The following PCDHA5 variants were observed in gnomAD, a reference collection of about 807,000 sequenced individuals.
The protein encoded by PCDHA5 is protocadherin alpha-5.
Under a neutral mutation model 61.6 loss-of-function variants are expected in PCDHA5, and 43 were observed. The ratio of observed to expected loss-of-function variants is 0.70; its 90% confidence interval spans 0.55 to 0.90. The LOEUF is 0.90. PCDHA5 is among the 40% of genes least tolerant of loss of function. PCDHA5 has a pLI of 0.00. For missense variants in PCDHA5, 1,298 were observed against 1,222.7 expected, an observed-to-expected ratio of 1.06 and a Z score of -0.92; for synonymous variants, 627 against 543.9, an observed-to-expected ratio of 1.15 and a Z score of -2.13.
intron 1 of PCDHA5, chr5:140,875,737 C>G: frequency 2.5e-6 from 4 of 1,614,224 alleles, no homozygotes; most frequent in Non-Finnish European, 3.4e-6. Flanking sequence ...TGTGAATTCT[C>G]GGATCGACCG....
chr5:140,996,130 G>A (rs1185857732), intron 3 of PCDHA5, among the ~76,000 whole-genome samples: 2 of 152,162 alleles, frequency 1.3e-5, no homozygotes, highest in African/African-American at 4.8e-5. Flanking sequence ...GGTGTAGAGG[G>A]TTCTCCCATT....
intron 1 of PCDHA5, among the ~76,000 whole-genome samples, chr5:140,896,499 A>G (rs1029698205): frequency 6.6e-6 from 1 of 150,502 alleles, no homozygotes; most frequent in African/African-American, 2.4e-5. Flanking sequence ...AGTAGCTGGG[A>G]CTGTGCAGGC....
intron 1 of PCDHA5, among the ~76,000 whole-genome samples, chr5:140,885,682 A>G (rs1367880744): frequency 6.6e-6 from 1 of 152,194 alleles, no homozygotes; most frequent in Non-Finnish European, 1.5e-5. Flanking sequence ...TTCTATCTCA[A>G]GAAGCAATAG....
At chr5:140,835,990 G>A in intron 1 of PCDHA5, 3 of 1,613,318 alleles carry the variant, frequency 1.9e-6, no homozygotes, top group Non-Finnish European at 2.5e-6. Context: ...TTCCAGGTGA[G>A]CGCGCGCGAT....
intron 1 of PCDHA5, chr5:140,870,599 G>A: frequency 6.2e-7 from 1 of 1,613,396 alleles, no homozygotes; most frequent in South Asian, 1.1e-5. Flanking sequence ...CGGCGGTTGG[G>A]CGACCGCGCG....
At chr5:140,831,422 C>A (rs1252502476) in intron 1 of PCDHA5, among the ~76,000 whole-genome samples, 1 of 151,184 alleles carries the variant, frequency 6.6e-6, no homozygotes, top group East Asian at 1.9e-4. Context: ...TACAGTGGTG[C>A]AATAATGGCT....
At chr5:140,841,207 T>A in intron 1 of PCDHA5, 1 of 1,357,192 alleles carries the variant, frequency 7.4e-7, no homozygotes, top group Non-Finnish European at 1.0e-6. Context: ...ACAGCATCTG[T>A]CTCTAAAGGC....
intron 1 of PCDHA5, among the ~76,000 whole-genome samples, chr5:140,936,053 C>T (rs576745037): frequency 1.2e-4 from 18 of 152,052 alleles, no homozygotes; most frequent in Middle Eastern, 3.4e-3. Flanking sequence ...CCACCACACC[C>T]GGCTAATTTT....
intron 1 of PCDHA5, chr5:140,829,805 G>A: frequency 6.2e-7 from 1 of 1,613,860 alleles, no homozygotes; most frequent in Non-Finnish European, 8.5e-7. Context: ...TCGGGTGGGT[G>A]GTACTGGTGG....
chr5:140,902,530 G>A (rs569387885), intron 1 of PCDHA5, among the ~76,000 whole-genome samples: 11 of 152,144 alleles, frequency 7.2e-5, no homozygotes, highest in African/African-American at 2.7e-4. Flanking sequence ...TTATTATGTT[G>A]AGGTATGTTC....
chr5:140,908,778 C>G (rs1452710808), intron 1 of PCDHA5, among the ~76,000 whole-genome samples: 1 of 152,184 alleles, frequency 6.6e-6, no homozygotes, highest in Non-Finnish European at 1.5e-5. Flanking sequence ...GTAGAGTCTT[C>G]TCCTGTTCTG....
chr5:140,982,779 G>A (rs1228586175), intron 3 of PCDHA5, among the ~76,000 whole-genome samples: 2 of 151,918 alleles, frequency 1.3e-5, no homozygotes, highest in African/African-American at 2.4e-5. Context: ...GAAAGTGTGT[G>A]TGCACGCATG....
intron 1 of PCDHA5, chr5:140,966,499 A>C (rs960365429): frequency 1.4e-5 from 6 of 431,834 alleles, no homozygotes; most frequent in Non-Finnish European, 2.4e-5. Context: ...CTGGAGCTGT[A>C]GCGGCAGCAG....
At chr5:140,966,528 G>C in intron 1 of PCDHA5, 1 of 446,634 alleles carries the variant, frequency 2.2e-6, no homozygotes, top group Non-Finnish European at 3.9e-6. Context: ...AGCCGAGCCG[G>C]GTTGAGCGAC....
chr5:140,882,127 C>A (rs2058964637), intron 1 of PCDHA5: 23 of 1,464,566 alleles, frequency 1.6e-5, no homozygotes, highest in Admixed American at 4.6e-5. Flanking sequence ...TTTCTTTCTT[C>A]CTGCAGAAAA....
chr5:140,989,948 C>T (rs1046056940), intron 3 of PCDHA5, among the ~76,000 whole-genome samples: 2 of 151,988 alleles, frequency 1.3e-5, no homozygotes, highest in Admixed American at 6.6e-5. Context: ...ACGTTTTTCT[C>T]GGTGAGACCA....
chr5:140,881,218 T>G (rs997488208), intron 1 of PCDHA5: 10 of 230,756 alleles, frequency 4.3e-5, no homozygotes, highest in Non-Finnish European at 6.4e-5. Flanking sequence ...TGTTGTTTCT[T>G]GGAAAATTAA....
intron 1 of PCDHA5, among the ~76,000 whole-genome samples, chr5:140,878,995 A>G (rs2057802646): frequency 6.6e-6 from 1 of 152,246 alleles, no homozygotes; most frequent in South Asian, 2.1e-4. Context: ...AAATGAGAGT[A>G]TGCCCTAGAA....
rs370307660 is a variant in PCDHA5 at position 140,924,901 on chromosome 5, A to T, written c.2353-54048A>T. On this transcript the variant is annotated intron_variant, in intron 1 of 3. Transcript: ENST00000529859. The stretch of plus-strand genomic sequence containing the variant: ...CAGAGCAAGAACCTGTCTCAAAAAA[A>T]AAAATAAAATAAAATAAAATAAAAT... Among the ~76,000 whole-genome samples, 368 of 80,482 alleles carry T rather than the reference A, an allele frequency of 4.6e-3. 1 individual carries two copies. Among genetic ancestry groups the T allele is most frequent in the East Asian group, 9.1e-3 (17 of 1,868 alleles). The allele number at this position is 80,482 out of a possible 152,430, so 52.8% of individuals were successfully genotyped here. A position where few individuals can be genotyped will look rare whatever the true frequency, so the allele number is the denominator to read the frequency against.
Sources: allele counts gnomAD v4.1 joint callset (sites outside exome capture counted in the v4.1 genomes callset), GRCh38; gene constraint gnomAD v4.1.1; transcripts MANE v1.5; gene names NCBI Gene and HGNC (gene_info 2026-07-23, HGNC 2026-07-21).